Variants in GDA observed in about 807,000 individuals in gnomAD.
GDA encodes cytoplasmic PSD-95 interactor.
Under a neutral mutation model 59.6 loss-of-function variants are expected in GDA, and 18 were observed. The ratio of observed to expected loss-of-function variants is 0.30; its 90% CI spans 0.21 to 0.45. The LOEUF is 0.45. Ranked by LOEUF, GDA falls within the 20% of genes least tolerant of loss-of-function variation. The pLI, the probability that GDA is intolerant of heterozygous loss-of-function variation, is 1.00. For missense variants in GDA, 427 were observed against 552.3 expected (o/e 0.77, Z 2.27); for synonymous variants, 201 against 201.1 (o/e 1.00, Z 0.00).
intron 10 of GDA, 107 bp from the exon 11 acceptor site, chr9:72,241,045 A>G: frequency 1.4e-6 from 1 of 715,732 alleles, no homozygotes; most frequent in Non-Finnish European, 2.2e-6. Context: ...GCTTTTTAAA[A>G]AAAGTATATT....
chr9:72,161,335 G>A (rs1828611693), intron 1 of GDA, among the ~76,000 whole-genome samples: 1 of 152,110 alleles, frequency 6.6e-6, no homozygotes, highest in African/African-American at 2.4e-5. Flanking sequence ...AACACATGGT[G>A]GGCACTCTGA....
At chr9:72,242,042 GTGT>G (rs1839676079) in intron 11 of GDA, among the ~76,000 whole-genome samples, 1 of 152,172 alleles carries the variant, frequency 6.6e-6, no homozygotes, top group Non-Finnish European at 1.5e-5. Flanking sequence ...TACTTTATAT[GTGT>G]TGTTATTTAA....
At chr9:72,144,867 C>T (rs1826566491), upstream of GDA, among the ~76,000 whole-genome samples, 1 of 151,684 alleles carries the variant, frequency 6.6e-6, no homozygotes, top group Admixed American at 6.6e-5. Context: ...GCATTTATCC[C>T]ATCTCAAATT....
chr9:72,193,397 G>T (rs1332878435), intron 1 of GDA, among the ~76,000 whole-genome samples: 1 of 152,236 alleles, frequency 6.6e-6, no homozygotes, highest in Non-Finnish European at 1.5e-5. Flanking sequence ...TGCCTTGATG[G>T]TCCTGAACAA....
At position 72,250,676 on chromosome 9, in the gene GDA, T is replaced by C; in HGVS notation, c.*2334T>C. ...CTTTGCCTAATGTAGGTTGACTTTC[T>C]GAATTGTGGAGAGGCACTTTTCCAA... is the stretch of plus-strand genomic sequence containing the variant. On this transcript the variant is annotated 3_prime_UTR_variant, in exon 14 of 14. Transcript: ENST00000358399. The C allele has an allele frequency of 6.2e-7, 1 of 1,609,776 alleles. No homozygotes were observed. Among genetic ancestry groups the C allele is most frequent in the South Asian group, 1.1e-5 (1 of 90,958 alleles).
Position 72,149,583 on chromosome 9 carries a change from C to G in GDA, c.24C>G (p.Pro8=). Residue 8 remains proline (P), a synonymous_variant, in exon 1 of 14, where the codon CCC becomes CCG. Coordinates refer to ENST00000358399, the MANE Select transcript of GDA (RefSeq NM_004293.5). ...ACATGTGTGCCGCTCAGATGCCGCCCCTGGCGCACATCTTCCGAGGGACGT... is the reference window on the plus strand; with the variant it reads ...ACATGTGTGCCGCTCAGATGCCGCCGCTGGCGCACATCTTCCGAGGGACGT... The part of the protein sequence containing the change: MCAAQMP[P]LAHIFRGTFV... 1.2e-6 allele frequency: 2 copies of G among 1,611,616 alleles called. No homozygotes were observed. The highest frequency in any genetic ancestry group is 1.7e-6 in the Non-Finnish European group (2 of 1,179,186).
In GDA at chr9:72,247,432, A is replaced by T; in HGVS notation, c.1293A>T (p.Leu431=). The change falls in exon 13 of 14, where the codon CTA becomes CTT. Residue 431 remains leucine (L), a splice_region_variant and synonymous_variant. Coordinates refer to ENST00000358399, the MANE Select transcript of GDA (RefSeq NM_004293.5). The part of the protein sequence containing the change: ...SEAVIQKFLY[L]GDDRNIEEVY... ...CTGTTATCCAGAAGTTCCTCTATCT[A>T]GGTAGGTAGATGCATGTCTCTATGC... 6.9e-7 allele frequency: 1 copy of T among 1,450,172 alleles called. No individual in the cohort carries two copies. Among genetic ancestry groups the T allele is most frequent in the Non-Finnish European group, 9.7e-7 (1 of 1,030,696 alleles). The allele number at this position is 1,450,172 out of a possible 1,614,324, so 89.8% of individuals were successfully genotyped here.
At chr9:72,168,226 T>C (rs1665396410) in intron 1 of GDA, among the ~76,000 whole-genome samples, 1 of 151,826 alleles carries the variant, frequency 6.6e-6, no homozygotes, top group African/African-American at 2.4e-5. Context: ...GGGAGATCCC[T>C]CTGTACAAAA....
At position 72,247,441 on chromosome 9, in the gene GDA, G is replaced by A. The variant is rs762742516; in HGVS notation, c.1294+8G>A. 3 of 1,409,480 alleles carry A rather than the reference G, an allele frequency of 2.1e-6. No individual in the cohort carries two copies. Among genetic ancestry groups the A allele is most frequent in the South Asian group, 1.2e-5 (1 of 86,778 alleles). 87.3% of individuals were successfully genotyped at this position (1,409,480 alleles called of 1,614,324 possible). A position where few individuals can be genotyped will look rare whatever the true frequency, so the allele number is the denominator to read the frequency against. On this transcript the variant is annotated splice_region_variant and intron_variant, in intron 13 of 13. Coordinates refer to ENST00000358399, the MANE Select transcript of GDA (RefSeq NM_004293.5). ...AGAAGTTCCTCTATCTAGGTAGGTAGATGCATGTCTCTATGCTAAATATTA... is the reference window on the plus strand; with the variant it reads ...AGAAGTTCCTCTATCTAGGTAGGTAAATGCATGTCTCTATGCTAAATATTA...
upstream of GDA, among the ~76,000 whole-genome samples, chr9:72,144,503 C>T (rs1039931812): frequency 6.6e-6 from 1 of 152,166 alleles, no homozygotes; most frequent in Non-Finnish European, 1.5e-5. Context: ...ATATCTGTTT[C>T]ATACAGTCAT....
intron 1 of GDA, among the ~76,000 whole-genome samples, chr9:72,182,776 A>G (rs1270566270): frequency 6.6e-6 from 1 of 152,192 alleles, no homozygotes; most frequent in Non-Finnish European, 1.5e-5. Context: ...TTTCTTCCAC[A>G]TATATTAGTT....
At chr9:72,197,456 A>G (rs1469768161) in intron 2 of GDA, 1 of 152,092 alleles carries the variant, frequency 6.6e-6, no homozygotes, top group Non-Finnish European at 1.5e-5. Flanking sequence ...TGTCTTTGTG[A>G]TGCAGGATTA....
intron 4 of GDA, among the ~76,000 whole-genome samples, chr9:72,212,380 G>A (rs1835494705): frequency 6.6e-6 from 1 of 151,888 alleles, no homozygotes; most frequent in Non-Finnish European, 1.5e-5. Context: ...TACTCAGGAG[G>A]CTGAGGCAGG....
At chr9:72,172,448 G>T (rs180905514) in intron 1 of GDA, among the ~76,000 whole-genome samples, 1 of 152,294 alleles carries the variant, frequency 6.6e-6, no homozygotes, top group Admixed American at 6.5e-5. Context: ...CCAAGAATTT[G>T]CAGATAGTAA....
chr9:72,231,004 G>A (rs1277358449), intron 9 of GDA, 110 bp from the exon 10 acceptor site: 32 of 749,210 alleles, frequency 4.3e-5, no homozygotes, highest in Non-Finnish European at 5.4e-5. Flanking sequence ...CATTAGAGCC[G>A]ATATATTGGG....
intron 7 of GDA, 138 bp downstream of exon 7, chr9:72,223,365 C>T (rs1837144985): frequency 1.7e-6 from 1 of 579,394 alleles, no homozygotes; most frequent in Non-Finnish European, 3.1e-6. Context: ...AGAGTCACAG[C>T]ATAACAGGAG....
downstream of GDA, among the ~76,000 whole-genome samples, chr9:72,259,849 C>A (rs940665966): frequency 6.6e-6 from 1 of 152,182 alleles, no homozygotes; most frequent in Non-Finnish European, 1.5e-5. Flanking sequence ...TTTGGCAGGA[C>A]TTAATAAATA....
intron 3 of GDA, among the ~76,000 whole-genome samples, chr9:72,204,848 A>G (rs1834471125): frequency 6.6e-6 from 1 of 152,188 alleles, no homozygotes; most frequent in South Asian, 2.1e-4. Context: ...ATTTGATGTC[A>G]GGCCTGTAAT....
At chr9:72,124,346 TTA>T (rs1825775354) in intron 1 of GDA, among the ~76,000 whole-genome samples, 1 of 152,214 alleles carries the variant, frequency 6.6e-6, no homozygotes, top group Non-Finnish European at 1.5e-5. Flanking sequence ...CCTCAGTATT[TTA>T]TGTGTCACCA....
Sources: allele counts gnomAD v4.1 joint callset (sites outside exome capture counted in the v4.1 genomes callset), GRCh38; gene constraint gnomAD v4.1.1; transcripts MANE v1.5; gene names NCBI Gene and HGNC (gene_info 2026-07-23, HGNC 2026-07-21).